OTOP2: variants seen among roughly 807,000 people sequenced by gnomAD.
OTOP2 encodes otopetrin 2.
Under a neutral mutation model 47.4 loss-of-function variants are expected in OTOP2, and 41 were observed. The ratio of observed to expected loss-of-function variants is 0.87; its 90% CI spans 0.67 to 1.12. OTOP2 has a LOEUF of 1.12. OTOP2 is among the 50% of genes most tolerant of loss of function. OTOP2 has a pLI of 0.00. For synonymous variants in OTOP2, 328 were observed against 319.6 expected (o/e 1.03, Z -0.28); for missense variants, 721 against 752.2 (o/e 0.96, Z 0.49).
In OTOP2 at chr17:74,924,471, C is replaced by A. The variant is rs1275659418; in HGVS notation, c.-33-129C>A. 4.0e-6 allele frequency: 3 copies of A among 757,300 alleles called. No individual in the cohort carries two copies. The highest frequency in any genetic ancestry group is 6.0e-6 in the Non-Finnish European group (3 of 496,874). The allele number at this position is 757,300 out of a possible 1,614,324, so 46.9% of individuals were successfully genotyped here. ...CGCATTTTCTCTTCCCCTTTCCCAG[C>A]GCTTCCTCCAGCACCCGAAGCCCCA... On this transcript the variant is annotated intron_variant, in intron 1 of 6. Transcript: ENST00000331427. The surrounding 1 kb of genome is among the most constrained non-coding windows in gnomAD (Gnocchi z 7.7).
In OTOP2 at chr17:74,933,606, C is replaced by A. The variant is rs1598597307; in HGVS notation, c.*61C>A. The A allele has an allele frequency of 6.7e-7, 1 of 1,502,504 alleles. No homozygotes were observed. The allele number at this position is 1,502,504 out of a possible 1,614,324, so 93.1% of individuals were successfully genotyped here. ...GGCTCAGCTCATGTGCCCACTCAGACACCCTCTGGGAATGAATCCCAGCTG... is the reference window on the plus strand; with the variant it reads ...GGCTCAGCTCATGTGCCCACTCAGAAACCCTCTGGGAATGAATCCCAGCTG... On this transcript the variant is annotated 3_prime_UTR_variant, in exon 7 of 7. Coordinates refer to ENST00000331427, the MANE Select transcript of OTOP2 (RefSeq NM_178160.3). The surrounding 1 kb of genome is among the most constrained non-coding windows in gnomAD (Gnocchi z 4.7).
At chr17:74,928,899 C>T (rs1278534097) in intron 5 of OTOP2, among the ~76,000 whole-genome samples, 1 of 152,132 alleles carries the variant, frequency 6.6e-6, no homozygotes, top group Non-Finnish European at 1.5e-5. Flanking sequence ...GCAAGCCTTA[C>T]AAAGAACCAC....
Position 74,924,907 on chromosome 17 carries a change from C to A in OTOP2, c.275C>A (p.Pro92His). Residue 92 changes from proline to histidine, a missense_variant, in exon 2 of 7, where the codon CCC (proline) becomes CAC (histidine). Transcript: ENST00000331427. This position sits in a 1 kb window ranked among gnomAD's most constrained non-coding sequence, Gnocchi z 7.7. ...ACCGTGCGCTGCCCCTGCGCGGTACCCTACCGGGACGCGCACGCTGGCCCC... is the reference window on the plus strand; with the variant it reads ...ACCGTGCGCTGCCCCTGCGCGGTACACTACCGGGACGCGCACGCTGGCCCC... ...LRTVRCPCAV[P>H]YRDAHAGPIW... The A allele has an allele frequency of 3.8e-6, 6 of 1,587,732 alleles. No individual in the cohort carries two copies. The highest frequency in any genetic ancestry group is 1.3e-5 in the African/African-American group (1 of 74,812).
rs978465284 is a variant in OTOP2, at chr17:74,933,323, C to G, written c.1519-52C>G. The G allele has an allele frequency of 6.4e-7, 1 of 1,553,938 alleles. No homozygotes were observed. Among genetic ancestry groups the G allele is most frequent in the Non-Finnish European group, 8.8e-7 (1 of 1,141,030 alleles). On this transcript the variant is annotated intron_variant, in intron 6 of 6. Coordinates refer to ENST00000331427, the MANE Select transcript of OTOP2 (RefSeq NM_178160.3). This position sits in a 1 kb window ranked among gnomAD's most constrained non-coding sequence, Gnocchi z 4.7. ...GGCCCAGCAAAACCCACAGAAATGA[C>G]CCACAGGCATCCATCCAGGCCAGCT...
rs779376718 is a variant in OTOP2 at position 74,927,282 on chromosome 17, G to A, written c.509+1G>A. 8.7e-6 allele frequency: 14 copies of A among 1,612,256 alleles called. No individual in the cohort carries two copies. The highest frequency in any genetic ancestry group is 1.7e-5 in the Admixed American group (1 of 60,012). On this transcript the variant is annotated splice_donor_variant, in intron 4 of 6. Transcript: ENST00000331427. LOFTEE classifies it high-confidence loss of function. Reference sequence around the variant, plus strand: ...TTCACGTCCACCTGGATCTGACCTGGTGAGAACTGCAGCTCGATGCCTGTA... The same window carrying A: ...TTCACGTCCACCTGGATCTGACCTGATGAGAACTGCAGCTCGATGCCTGTA...
rs2039049444 is a variant in OTOP2 at position 74,930,762 on chromosome 17, C to T, written c.1127C>T (p.Ala376Val). 1 of 1,614,136 alleles carries T rather than the reference C, an allele frequency of 6.2e-7. No individual in the cohort carries two copies. ...GACGTGGCCCTGCTGATGGGTGCCG[C>T]CCTGGGTCAGTACGCCATCTCTTAC... is the stretch of plus-strand genomic sequence containing the variant. The part of the protein sequence containing the change: ...TLDVALLMGA[A>V]LGQYAISYYS... Residue 376 changes from alanine to valine, a missense_variant, in exon 6 of 7, where the codon GCC (alanine) becomes GTC (valine). Transcript: ENST00000331427. This position sits in a 1 kb window ranked among gnomAD's most constrained non-coding sequence, Gnocchi z 4.0.
chr17:74,933,473 C>T lies in OTOP2; in HGVS notation c.1617C>T (p.Ile539=), dbSNP rs2039078274. 6.2e-7 allele frequency: 1 copy of T among 1,614,206 alleles called. No individual in the cohort carries two copies. Residue 539 remains isoleucine (I), a synonymous_variant, in exon 7 of 7, where the codon ATC becomes ATT. Coordinates refer to ENST00000331427, the MANE Select transcript of OTOP2 (RefSeq NM_178160.3). This position sits in a 1 kb window ranked among gnomAD's most constrained non-coding sequence, Gnocchi z 4.7. Reference sequence around the variant, plus strand: ...CCCTCTGGGCGGTCATCGTCAACATCTGCCTCCCTTTCGGCATCTTCTACC... The same window carrying T: ...CCCTCTGGGCGGTCATCGTCAACATTTGCCTCCCTTTCGGCATCTTCTACC... The part of the protein sequence containing the change: ...GYSLWAVIVN[I]CLPFGIFYRM...
chr17:74,931,557 A>T (rs184580847), intron 6 of OTOP2, among the ~76,000 whole-genome samples: 1 of 152,344 alleles, frequency 6.6e-6, no homozygotes, highest in African/African-American at 2.4e-5. Flanking sequence ...GTCAGGAAGT[A>T]GCGGAGACCA....
intron 5 of OTOP2, among the ~76,000 whole-genome samples, chr17:74,928,616 CCCATT>C (rs2039030503): frequency 6.6e-6 from 1 of 152,172 alleles, no homozygotes. Context: ...AGGTACTCTC[CCCATT>C]CCCATGCATA....
intron 6 of OTOP2, among the ~76,000 whole-genome samples, chr17:74,932,059 T>C (rs1239640466): frequency 1.3e-5 from 2 of 149,646 alleles, no homozygotes; most frequent in African/African-American, 4.9e-5. Context: ...TGCATACCAA[T>C]AGGAAAACAC....
Position 74,924,640 on chromosome 17 carries a change from A to G in OTOP2, c.8A>G (p.Glu3Gly). 2 of 1,574,788 alleles carry G rather than the reference A, an allele frequency of 1.3e-6. No individual in the cohort carries two copies. The highest frequency in any genetic ancestry group is 1.7e-6 in the Non-Finnish European group (2 of 1,165,474). ...TCTCCAGTCGCCTCCGCCATGTCCG[A>G]GGAGCTGGCCCAGGGCCCCAAGGAG... Reference protein sequence around the residue: MSEELAQGPKESP... With the variant: MSGELAQGPKESP... Residue 3 changes from glutamate (E) to glycine (G), a missense_variant, in exon 2 of 7, where the codon GAG (glutamate) becomes GGG (glycine). Coordinates refer to ENST00000331427, the MANE Select transcript of OTOP2 (RefSeq NM_178160.3). This position sits in a 1 kb window ranked among gnomAD's most constrained non-coding sequence, Gnocchi z 7.7.
rs2039051979 is a variant in OTOP2 at position 74,930,938 on chromosome 17, C to T, written c.1303C>T (p.His435Tyr). Residue 435 changes from histidine (H) to tyrosine (Y), a missense_variant, in exon 6 of 7, where the codon CAC becomes TAC. Coordinates refer to ENST00000331427, the MANE Select transcript of OTOP2 (RefSeq NM_178160.3). The surrounding 1 kb of genome is among the most constrained non-coding windows in gnomAD (Gnocchi z 4.0). The part of the protein sequence containing the change: ...LHRGPPGAEP[H>Y]STHPKEPCQD... ...CCGAGGACCGCCCGGGGCTGAGCCTCACAGTACCCACCCCAAGGAGCCCTG... is the reference window on the plus strand; with the variant it reads ...CCGAGGACCGCCCGGGGCTGAGCCTTACAGTACCCACCCCAAGGAGCCCTG... 2 of 1,614,110 alleles carry T rather than the reference C, an allele frequency of 1.2e-6. No individual in the cohort carries two copies. Among genetic ancestry groups the T allele is most frequent in the East Asian group, 2.2e-5 (1 of 44,874 alleles).
intron 2 of OTOP2, among the ~76,000 whole-genome samples, chr17:74,925,261 G>A (rs1350611536): frequency 6.6e-6 from 1 of 152,102 alleles, no homozygotes; most frequent in Non-Finnish European, 1.5e-5. Context: ...AGCTCAGCCA[G>A]GGCCCTTTGC....
In OTOP2 at chr17:74,926,478, G is replaced by A. The variant is rs114258550; in HGVS notation, c.451-745G>A. On this transcript the variant is annotated intron_variant, in intron 3 of 6. Coordinates refer to ENST00000331427, the MANE Select transcript of OTOP2 (RefSeq NM_178160.3). ...GGTGACAGAGGAAGAGGATGAGCAG[G>A]GGATGTTGTCAAATGAAGGTGAGAA... is the stretch of plus-strand genomic sequence containing the variant. 6.6e-3 allele frequency among the ~76,000 whole-genome samples: 1,011 copies of A among 152,168 alleles called. 14 individuals carry two copies. The highest frequency in any genetic ancestry group is 0.023 in the African/African-American group (965 of 41,514).
At position 74,924,641 on chromosome 17, in the gene OTOP2, G is replaced by A. The variant is rs1164304406; in HGVS notation, c.9G>A (p.Glu3=). The A allele has an allele frequency of 6.3e-7, 1 of 1,575,540 alleles. No homozygotes were observed. Among genetic ancestry groups the A allele is most frequent in the Non-Finnish European group, 8.6e-7 (1 of 1,165,788 alleles). Reference sequence around the variant, plus strand: ...CTCCAGTCGCCTCCGCCATGTCCGAGGAGCTGGCCCAGGGCCCCAAGGAGA... The same window carrying A: ...CTCCAGTCGCCTCCGCCATGTCCGAAGAGCTGGCCCAGGGCCCCAAGGAGA... MS[E]ELAQGPKESP... The change falls in exon 2 of 7, where the codon GAG becomes GAA. Residue 3 remains glutamate (E), a synonymous_variant. Transcript: ENST00000331427. This position sits in a 1 kb window ranked among gnomAD's most constrained non-coding sequence, Gnocchi z 7.7.
chr17:74,927,274 C>G lies in OTOP2; in HGVS notation c.502C>G (p.Leu168Val). The G allele has an allele frequency of 1.2e-6, 2 of 1,612,858 alleles. No individual in the cohort carries two copies. Among genetic ancestry groups the G allele is most frequent in the Non-Finnish European group, 8.5e-7 (1 of 1,179,018 alleles). ...AGACTGCGTTCACGTCCACCTGGAT[C>G]TGACCTGGTGAGAACTGCAGCTCGA... ...AKDCVHVHLD[L>V]TWCGLMFTLT... Residue 168 changes from leucine (L) to valine (V), a missense_variant, in exon 4 of 7, where the codon CTG becomes GTG. By Grantham distance (32) the Leu-to-Val change is conservative. Coordinates refer to ENST00000331427, the MANE Select transcript of OTOP2 (RefSeq NM_178160.3).
chr17:74,928,005 G>C (rs1034284468), intron 5 of OTOP2: 1 of 655,106 alleles, frequency 1.5e-6, no homozygotes, highest in African/African-American at 1.9e-5. Flanking sequence ...TTTTATCCTT[G>C]AGGCTGCAGC....
At position 74,931,256 on chromosome 17, in the gene OTOP2, G is replaced by A. The variant is rs117676121; in HGVS notation, c.1518+103G>A. Reference sequence around the variant, plus strand: ...GCCTTCTCTGTCTTGCCCCCAGCCCGCCTGAGAATCTTACAGCTCTCTAGG... The same window carrying A: ...GCCTTCTCTGTCTTGCCCCCAGCCCACCTGAGAATCTTACAGCTCTCTAGG... On this transcript the variant is annotated intron_variant, in intron 6 of 6. Coordinates refer to ENST00000331427, the MANE Select transcript of OTOP2 (RefSeq NM_178160.3). 5.0e-4 allele frequency: 719 copies of A among 1,427,314 alleles called. 12 individuals are homozygous for A. The East Asian group carries it at 0.016, about 31-fold the overall frequency. 88.4% of individuals were successfully genotyped at this position (1,427,314 alleles called of 1,614,324 possible). A position where few individuals can be genotyped will look rare whatever the true frequency, so the allele number is the denominator to read the frequency against.
At position 74,924,708 on chromosome 17, in the gene OTOP2, A is replaced by G. The variant is rs778530745; in HGVS notation, c.76A>G (p.Lys26Glu). Residue 26 changes from lysine to glutamate, a missense_variant, in exon 2 of 7, where the codon AAG becomes GAG. Physicochemically the swap from Lys to Glu is moderately conservative, Grantham distance 56. Coordinates refer to ENST00000331427, the MANE Select transcript of OTOP2 (RefSeq NM_178160.3). This position sits in a 1 kb window ranked among gnomAD's most constrained non-coding sequence, Gnocchi z 7.7. ...PRAGPREVWK[K>E]GGRLLSVLLA... ...TGCGGGCCCCAGGGAGGTGTGGAAG[A>G]AGGGTGGCCGCCTGCTGTCGGTGCT... 11 of 1,605,254 alleles carry G rather than the reference A, an allele frequency of 6.9e-6. No individual in the cohort carries two copies. The highest frequency in any genetic ancestry group is 1.7e-5 in the Admixed American group (1 of 59,020).
Sources: allele counts gnomAD v4.1 joint callset (sites outside exome capture counted in the v4.1 genomes callset), GRCh38; gene constraint gnomAD v4.1.1; non-coding constraint Gnocchi (gnomAD v3.1); transcripts MANE v1.5; gene names NCBI Gene and HGNC (gene_info 2026-07-23, HGNC 2026-07-21).